NRXN3: variants seen among roughly 807,000 people sequenced by gnomAD.
The protein encoded by NRXN3 is neurexin III.
Under a neutral mutation model 137.6 loss-of-function variants are expected in NRXN3, and 32 were observed. That is an observed-to-expected ratio of 0.23 (90% CI 0.18 to 0.31). The LOEUF (loss-of-function observed/expected upper bound fraction) is 0.31. NRXN3 is among the 10% of genes least tolerant of loss of function. The pLI is 1.00. For missense variants in NRXN3, 1,574 were observed against 2,062.5 expected (o/e 0.76, Z 4.59); for synonymous variants, 798 against 784.5 (o/e 1.02, Z -0.29).
intron 10 of NRXN3, among the ~76,000 whole-genome samples, chr14:78,914,065 G>A (rs2152798211): frequency 6.6e-6 from 1 of 152,292 alleles, no homozygotes; most frequent in Middle Eastern, 3.4e-3. Flanking sequence ...CTTTGGATTT[G>A]TGAAATCCAA....
chr14:78,842,472 A>G (rs1453195064), intron 10 of NRXN3, among the ~76,000 whole-genome samples: 1 of 152,120 alleles, frequency 6.6e-6, no homozygotes, highest in East Asian at 1.9e-4. Context: ...CAAGGTAATA[A>G]GATATCACAA....
chr14:79,662,852 G>A (rs542827351), intron 16 of NRXN3, among the ~76,000 whole-genome samples: 36 of 152,072 alleles, frequency 2.4e-4, no homozygotes, highest in African/African-American at 7.5e-4. Context: ...GTACTAAAAC[G>A]TTCATGAGAA....
At chr14:78,211,394 C>T (rs1204606052) in intron 1 of NRXN3, among the ~76,000 whole-genome samples, 4 of 152,168 alleles carry the variant, frequency 2.6e-5, no homozygotes, top group African/African-American at 4.8e-5. Context: ...TTTTCTCCAC[C>T]GTTTCACCCT....
At chr14:78,278,900 G>A (rs983227041) in intron 3 of NRXN3, among the ~76,000 whole-genome samples, 2 of 152,168 alleles carry the variant, frequency 1.3e-5, no homozygotes, top group African/African-American at 4.8e-5. Context: ...CTTCTCATTA[G>A]TATTTCTGGG....
chr14:79,789,146 A>G (rs2099137912), intron 19 of NRXN3, among the ~76,000 whole-genome samples: 1 of 152,210 alleles, frequency 6.6e-6, no homozygotes, highest in African/African-American at 2.4e-5. Flanking sequence ...TTGAACCAAC[A>G]GAGTGAAACA....
chr14:79,752,817 C>T (rs1195490106), intron 19 of NRXN3, among the ~76,000 whole-genome samples: 8 of 152,014 alleles, frequency 5.3e-5, no homozygotes, highest in South Asian at 4.1e-4. Context: ...ACAACCTACT[C>T]ATCTGACAAA....
At chr14:78,552,405 A>T (rs1181569927) in intron 4 of NRXN3, among the ~76,000 whole-genome samples, 1 of 152,204 alleles carries the variant, frequency 6.6e-6, no homozygotes, top group Non-Finnish European at 1.5e-5. Flanking sequence ...AGAAAGGGAG[A>T]AGGGCTATTC....
chr14:78,215,195 C>T (rs114413511), intron 1 of NRXN3, among the ~76,000 whole-genome samples: 190 of 152,278 alleles, frequency 1.2e-3, no homozygotes, highest in African/African-American at 4.4e-3. Context: ...TGTTCCCGAG[C>T]CCACTCTGGC....
chr14:78,525,065 A>G (rs558914331), intron 4 of NRXN3, among the ~76,000 whole-genome samples: 1 of 152,240 alleles, frequency 6.6e-6, no homozygotes, highest in African/African-American at 2.4e-5. Flanking sequence ...GTTTCCTTGT[A>G]TTTTTGAGAA....
chr14:78,924,784 C>G (rs1411651174), intron 10 of NRXN3, among the ~76,000 whole-genome samples: 1 of 152,088 alleles, frequency 6.6e-6, no homozygotes, highest in Non-Finnish European at 1.5e-5. Flanking sequence ...TGAAATAACT[C>G]TTGTTAAAAT....
intron 10 of NRXN3, among the ~76,000 whole-genome samples, chr14:78,827,242 A>G (rs979328351): frequency 4.7e-5 from 7 of 150,248 alleles, no homozygotes; most frequent in Admixed American, 1.4e-4. Flanking sequence ...CTATTGCTGC[A>G]GAAATCCTTT....
In NRXN3 at chr14:79,532,941, A is replaced by G. The variant is rs574116036; in HGVS notation, c.3444+65539A>G. ...CCTAGCAACCCTCAAAATCTTTCCA[A>G]TTAGGAACCTAAATTCTATTCCCAA... On this transcript the variant is annotated intron_variant, in intron 16 of 20. Coordinates refer to ENST00000335750, the MANE Select transcript of NRXN3 (RefSeq NM_001330195.2). Among the ~76,000 whole-genome samples the G allele has an allele frequency of 3.9e-5, 6 of 152,276 alleles. No homozygotes were observed. In the South Asian group the frequency reaches 6.2e-4, roughly 16 times the overall value.
intron 19 of NRXN3, among the ~76,000 whole-genome samples, chr14:79,770,118 A>T (rs2099071957): frequency 6.6e-6 from 1 of 151,748 alleles, no homozygotes; most frequent in African/African-American, 2.4e-5. Context: ...ACCCAGATTC[A>T]TAAAGCAAGT....
chr14:79,050,565 G>A (rs560225789), intron 15 of NRXN3, among the ~76,000 whole-genome samples: 5 of 152,342 alleles, frequency 3.3e-5, no homozygotes, highest in South Asian at 2.1e-4. Flanking sequence ...TCTGATGGAC[G>A]ATATGTACCA....
At chr14:78,796,668 G>C (rs1567336962) in intron 8 of NRXN3, among the ~76,000 whole-genome samples, 1 of 152,114 alleles carries the variant, frequency 6.6e-6, no homozygotes, top group African/African-American at 2.4e-5. Context: ...ATATTTGCAA[G>C]GCTACACAAC....
chr14:78,314,938 TCTTTCTTCCTTC>T (rs1228760594), intron 4 of NRXN3, among the ~76,000 whole-genome samples: 7 of 91,050 alleles, frequency 7.7e-5, no homozygotes, highest in South Asian at 4.1e-4. Context: ...TTTCTTTCTT[TCTTTCTTCCTTC>T]CTTCCTTCCT....
chr14:78,349,239 T>C (rs2083155985), intron 4 of NRXN3, among the ~76,000 whole-genome samples: 1 of 152,208 alleles, frequency 6.6e-6, no homozygotes, highest in Admixed American at 6.5e-5. Context: ...ACAGCAGAGC[T>C]CTGGTGCAGG....
rs1306229377 is a variant in NRXN3 at position 79,558,025 on chromosome 14, C to T, written c.3444+90623C>T. The stretch of plus-strand genomic sequence containing the variant: ...AAAAGTAGATTCCATTTTAAGAAAC[C>T]ACTTTTCCTCATCCATAAGCAGAAA... On this transcript the variant is annotated intron_variant, in intron 16 of 20. Transcript: ENST00000335750. 2.6e-5 allele frequency among the ~76,000 whole-genome samples: 4 copies of T among 152,028 alleles called. No individual in the cohort carries two copies. In the South Asian group the frequency reaches 8.3e-4, roughly 32 times the overall value.
intron 4 of NRXN3, among the ~76,000 whole-genome samples, chr14:78,443,474 G>C (rs1328960242): frequency 6.6e-6 from 1 of 152,160 alleles, no homozygotes; most frequent in African/African-American, 2.4e-5. Flanking sequence ...CAGGCCAGGA[G>C]GGTCCAGGGG....
Sources: allele counts gnomAD v4.1 joint callset (sites outside exome capture counted in the v4.1 genomes callset), GRCh38; gene constraint gnomAD v4.1.1; transcripts MANE v1.5; gene names NCBI Gene and HGNC (gene_info 2026-07-23, HGNC 2026-07-21).